Variants in CNTNAP2 observed in about 807,000 individuals in gnomAD.
CNTNAP2 encodes contactin associated protein 2, also known as contactin-associated protein-like 2.
In CNTNAP2, 98 loss-of-function variants were observed where a neutral mutation model predicts 155.2. The ratio of observed to expected loss-of-function variants is 0.63; its 90% confidence interval spans 0.54 to 0.75. The LOEUF is 0.75. CNTNAP2 is among the 30% of genes least tolerant of loss of function. The probability of loss-of-function intolerance (pLI) is 0.00; values close to 1 mark genes in which losing one functional copy is unlikely to be tolerated. For synonymous variants in CNTNAP2, 651 were observed against 631.2 expected (o/e 1.03, Z -0.47); for missense variants, 1,727 against 1,688.1 (o/e 1.02, Z -0.40).
chr7:148,111,883 G>A (rs1804361102), intron 15 of CNTNAP2, among the ~76,000 whole-genome samples: 2 of 152,192 alleles, frequency 1.3e-5, no homozygotes, highest in Non-Finnish European at 2.9e-5. Context: ...GGAGCTACCT[G>A]AGAATGTGTT....
At chr7:146,293,472 A>G (rs953029608) in intron 1 of CNTNAP2, among the ~76,000 whole-genome samples, 3 of 152,218 alleles carry the variant, frequency 2.0e-5, no homozygotes, top group African/African-American at 7.2e-5. Context: ...TGAAACTCTC[A>G]TGGAAAACCT....
intron 4 of CNTNAP2, among the ~76,000 whole-genome samples, chr7:147,103,267 G>A (rs921895113): frequency 2.0e-5 from 3 of 151,988 alleles, no homozygotes; most frequent in Non-Finnish European, 4.4e-5. Context: ...ATCAGGTAGA[G>A]ATAAATTCCA....
chr7:146,951,102 G>C (rs1242773172), intron 3 of CNTNAP2, among the ~76,000 whole-genome samples: 2 of 152,188 alleles, frequency 1.3e-5, no homozygotes, highest in Admixed American at 1.3e-4. Context: ...CTTTTGAGAA[G>C]TGTCTGTTCA....
intron 1 of CNTNAP2, among the ~76,000 whole-genome samples, chr7:146,296,185 C>G (rs1271050811): frequency 3.3e-5 from 5 of 152,250 alleles, no homozygotes; most frequent in African/African-American, 4.8e-5. Flanking sequence ...TCCAGCAGAA[C>G]AGCGGACCCC....
At chr7:147,273,505 C>T (rs868199695) in intron 8 of CNTNAP2, among the ~76,000 whole-genome samples, 7 of 151,806 alleles carry the variant, frequency 4.6e-5, no homozygotes, top group South Asian at 2.1e-4. Flanking sequence ...AACCTTCACC[C>T]GCTCTGACCC....
intron 18 of CNTNAP2, among the ~76,000 whole-genome samples, chr7:148,175,932 CCTGTCT>C (rs1261502890): frequency 6.6e-6 from 1 of 152,064 alleles, no homozygotes; most frequent in African/African-American, 2.4e-5. Context: ...TACATCAATC[CCTGTCT>C]CTGTCTCTGT....
intron 21 of CNTNAP2, among the ~76,000 whole-genome samples, chr7:148,354,450 G>A (rs1798478231): frequency 6.6e-6 from 1 of 152,004 alleles, no homozygotes; most frequent in Admixed American, 6.6e-5. Context: ...GAGCCCTTAG[G>A]CTGCTGTTCC....
chr7:147,430,955 G>A (rs560252276), intron 10 of CNTNAP2, among the ~76,000 whole-genome samples: 2 of 152,036 alleles, frequency 1.3e-5, no homozygotes, highest in East Asian at 2.0e-4. Context: ...GGCTGAGGCA[G>A]GAGAATGGCG....
intron 2 of CNTNAP2, among the ~76,000 whole-genome samples, chr7:146,801,293 A>T (rs11970882): frequency 0.08 from 12,154 of 151,890 alleles, 1,521 homozygotes; most frequent in African/African-American, 0.26. Context: ...TGAGGGATCC[A>T]CCCCCATGAT....
chr7:147,035,684 T>C (rs1482488171), intron 3 of CNTNAP2, among the ~76,000 whole-genome samples: 1 of 151,856 alleles, frequency 6.6e-6, no homozygotes, highest in African/African-American at 2.4e-5. Flanking sequence ...TTTTAGGCAC[T>C]TTTTTTTAGT....
chr7:146,939,520 A>G (rs1209373066), intron 3 of CNTNAP2, among the ~76,000 whole-genome samples: 1 of 152,170 alleles, frequency 6.6e-6, no homozygotes, highest in Non-Finnish European at 1.5e-5. Context: ...ATAATTATCT[A>G]TTTAGAAGCA....
rs1053239814 is a variant in CNTNAP2 at position 148,168,910 on chromosome 7, A to G, written c.2774-3332A>G. ...GAAAATATGGTTGAATAATCATATT[A>G]TTTTGTATTGTAGAAGGTCTTTATA... On this transcript the variant is annotated intron_variant, in intron 17 of 23. Coordinates refer to ENST00000361727, the MANE Select transcript of CNTNAP2 (RefSeq NM_014141.6). Among the ~76,000 whole-genome samples, 4 of 152,344 alleles carry G rather than the reference A, an allele frequency of 2.6e-5. No homozygotes were observed. The South Asian group carries it at 6.2e-4, about 24-fold the overall frequency.
chr7:146,222,492 G>T (rs1401127680), intron 1 of CNTNAP2, among the ~76,000 whole-genome samples: 2 of 151,834 alleles, frequency 1.3e-5, no homozygotes, highest in Non-Finnish European at 2.9e-5. Context: ...GCATGAAACT[G>T]TGGTGAAATT....
At chr7:146,263,293 G>C (rs1052394095) in intron 1 of CNTNAP2, among the ~76,000 whole-genome samples, 4 of 149,514 alleles carry the variant, frequency 2.7e-5, no homozygotes, top group Non-Finnish European at 1.5e-5. Flanking sequence ...AAGGAAGGAA[G>C]GAAGGACGGA....
At chr7:147,161,183 T>C (rs1302242258) in intron 8 of CNTNAP2, among the ~76,000 whole-genome samples, 1 of 152,090 alleles carries the variant, frequency 6.6e-6, no homozygotes, top group Admixed American at 6.6e-5. Flanking sequence ...ATACAAAGTA[T>C]AGAAAAAGAA....
At chr7:146,916,236 AT>A (rs1796392080) in intron 3 of CNTNAP2, among the ~76,000 whole-genome samples, 1 of 151,874 alleles carries the variant, frequency 6.6e-6, no homozygotes, top group Non-Finnish European at 1.5e-5. Context: ...TTTATCGAGA[AT>A]TTTTTGCATC....
intron 12 of CNTNAP2, among the ~76,000 whole-genome samples, chr7:147,618,708 T>TACAC (rs112885206): frequency 3.8e-4 from 50 of 132,074 alleles, no homozygotes; most frequent in South Asian, 1.1e-3. Context: ...ACAGCTATTA[T>TACAC]ACACACACAC....
chr7:148,165,859 T>C (rs1805646739), intron 17 of CNTNAP2, among the ~76,000 whole-genome samples: 2 of 152,182 alleles, frequency 1.3e-5, no homozygotes, highest in African/African-American at 2.4e-5. Flanking sequence ...ATTTTACAAA[T>C]GGCTTTCCTG....
At chr7:146,974,889 C>T (rs777449256) in intron 3 of CNTNAP2, among the ~76,000 whole-genome samples, 6 of 151,874 alleles carry the variant, frequency 4.0e-5, no homozygotes, top group Non-Finnish European at 8.8e-5. Context: ...ATCCCAGCTA[C>T]CTGGATGAGA....
Sources: gnomAD v4.1 joint callset for allele counts (sites outside exome capture counted in the v4.1 genomes callset) on GRCh38, gnomAD v4.1.1 for gene constraint, MANE v1.5 for transcripts, NCBI Gene and HGNC (gene_info 2026-07-23, HGNC 2026-07-21) for gene names.